Variants in FBLN1 observed in about 807,000 individuals in gnomAD.
The protein encoded by FBLN1 is fibulin 1, also known as fibulin-1.
In FBLN1, 34 loss-of-function variants were observed where a neutral mutation model predicts 89.7. That is an observed-to-expected ratio of 0.38 (90% confidence interval 0.29 to 0.50). The LOEUF is 0.50. FBLN1 is among the 20% of genes least tolerant of loss of function. FBLN1 has a pLI of 0.92. For synonymous variants in FBLN1, 393 were observed against 391.3 expected (o/e 1.00, Z -0.05); for missense variants, 777 against 988.1 (o/e 0.79, Z 2.86).
chr22:45,591,511 A>T (rs1280891321), intron 16 of FBLN1, among the ~76,000 whole-genome samples: 1 of 152,142 alleles, frequency 6.6e-6, no homozygotes, highest in Non-Finnish European at 1.5e-5. Context: ...CTGCGGAAGG[A>T]GCACATTTAT....
intron 16 of FBLN1, among the ~76,000 whole-genome samples, chr22:45,594,626 A>G (rs1165943303): frequency 6.6e-6 from 1 of 151,664 alleles, no homozygotes; most frequent in Non-Finnish European, 1.5e-5. Context: ...GGATGGACAG[A>G]TGGGTTGATT....
At position 45,574,188 on chromosome 22, in the gene FBLN1, A is replaced by G. The variant is rs1240754037; in HGVS notation, c.1698-323A>G. Among the ~76,000 whole-genome samples the G allele has an allele frequency of 6.6e-5, 10 of 152,158 alleles. No individual in the cohort carries two copies. Among genetic ancestry groups the G allele is most frequent in the Non-Finnish European group, 1.5e-5 (1 of 68,032 alleles). ...CAAAACATATTTGTTGGGCAAGTGA[A>G]CCTGTGACTCTATTTTGCCATTGTA... On this transcript the variant is annotated intron_variant, in intron 14 of 16. Transcript: ENST00000327858. This position sits in a 1 kb window ranked among gnomAD's most constrained non-coding sequence, Gnocchi z 4.1.
Position 45,536,837 on chromosome 22 carries a change from C to T in FBLN1, c.922+1500C>T, listed in dbSNP as rs1364025657. ...ATGAAAAGAGAGAATCCCATGTGAA[C>T]TTAGTATGAATTTAGGAGGCCTGGG... On this transcript the variant is annotated intron_variant, in intron 8 of 16. Transcript: ENST00000327858. The surrounding 1 kb of genome is among the most constrained non-coding windows in gnomAD (Gnocchi z 5.1). Among the ~76,000 whole-genome samples, 1 of 151,988 alleles carries T rather than the reference C, an allele frequency of 6.6e-6. No homozygotes were observed. Among genetic ancestry groups the T allele is most frequent in the African/African-American group, 2.4e-5 (1 of 41,364 alleles).
chr22:45,564,347 C>A lies in FBLN1; in HGVS notation c.1698-10164C>A, dbSNP rs558606897. Among the ~76,000 whole-genome samples, 13 of 152,358 alleles carry A rather than the reference C, an allele frequency of 8.5e-5. No individual in the cohort carries two copies. The South Asian group carries it at 2.3e-3, about 27-fold the overall frequency. Reference sequence around the variant, plus strand: ...CTCTGCCTAAAACCGTTCCTGGCTTCCTTACCATTTGGGTTAAGGCCTCCA... The same window carrying A: ...CTCTGCCTAAAACCGTTCCTGGCTTACTTACCATTTGGGTTAAGGCCTCCA... On this transcript the variant is annotated intron_variant, in intron 14 of 16. Transcript: ENST00000327858.
intron 14 of FBLN1, among the ~76,000 whole-genome samples, chr22:45,555,976 A>G (rs1014508115): frequency 4.9e-4 from 74 of 152,322 alleles, no homozygotes; most frequent in Middle Eastern, 3.4e-3. Context: ...GTATACATGC[A>G]CAAACATTTT....
At chr22:45,540,406 G>A (rs893781532) in intron 8 of FBLN1, among the ~76,000 whole-genome samples, 1 of 152,202 alleles carries the variant, frequency 6.6e-6, no homozygotes, top group Admixed American at 6.5e-5. Flanking sequence ...TCATTTGACT[G>A]AGGAGGGTGG....
chr22:45,565,365 G>A, intron 14 of FBLN1: 4 of 1,087,480 alleles, frequency 3.7e-6, no homozygotes, highest in Non-Finnish European at 4.7e-6. Flanking sequence ...CCATGTGCTT[G>A]TACCCTGGCC....
chr22:45,558,453 C>G (rs1184844110), intron 14 of FBLN1: 1 of 169,264 alleles, frequency 5.9e-6, no homozygotes, highest in Non-Finnish European at 1.3e-5. Flanking sequence ...CTAGAGACCG[C>G]CACTGTGATT....
At chr22:45,547,439 A>AGGCT (rs2146990122) in intron 12 of FBLN1, among the ~76,000 whole-genome samples, 1 of 119,020 alleles carries the variant, frequency 8.4e-6, no homozygotes, top group South Asian at 2.8e-4. Flanking sequence ...TCTGTTGCCC[A>AGGCT]GGCTGGAGTG....
chr22:45,582,084 CTG>C (rs1389079543), intron 16 of FBLN1, among the ~76,000 whole-genome samples: 1 of 152,164 alleles, frequency 6.6e-6, no homozygotes, highest in African/African-American at 2.4e-5. Context: ...GGTAAGAAGA[CTG>C]AGGCCGGAAG....
rs1402025769 is a variant in FBLN1 at position 45,600,870 on chromosome 22, C to G, written c.*424C>G. 3 of 297,222 alleles carry G rather than the reference C, an allele frequency of 1.0e-5. No homozygotes were observed. The highest frequency in any genetic ancestry group is 1.9e-5 in the Non-Finnish European group (3 of 155,888). The allele number at this position is 297,222 out of a possible 1,614,324, so 18.4% of individuals were successfully genotyped here. A position where few individuals can be genotyped will look rare whatever the true frequency, so the allele number is the denominator to read the frequency against. On this transcript the variant is annotated 3_prime_UTR_variant, in exon 17 of 17. Coordinates refer to ENST00000327858, the MANE Select transcript of FBLN1 (RefSeq NM_006486.3). Reference sequence around the variant, plus strand: ...TTTGGCCAATCAGATTTTCTATGTTCTAAGGACATGGCTGCTGTAGAATAG... The same window carrying G: ...TTTGGCCAATCAGATTTTCTATGTTGTAAGGACATGGCTGCTGTAGAATAG...
intron 16 of FBLN1, among the ~76,000 whole-genome samples, chr22:45,594,858 A>G (rs1190566070): frequency 6.6e-6 from 1 of 151,348 alleles, no homozygotes; most frequent in African/African-American, 2.4e-5. Context: ...GGGTGGGTGG[A>G]TGGATGGATG....
In FBLN1 at chr22:45,580,552, C is replaced by T. The variant is rs924429470; in HGVS notation, c.1972+3444C>T. Among the ~76,000 whole-genome samples the T allele has an allele frequency of 2.0e-5, 3 of 152,198 alleles. No individual in the cohort carries two copies. The highest frequency in any genetic ancestry group is 4.4e-5 in the Non-Finnish European group (3 of 68,040). On this transcript the variant is annotated intron_variant, in intron 16 of 16. Transcript: ENST00000327858. This position sits in a 1 kb window ranked among gnomAD's most constrained non-coding sequence, Gnocchi z 8.6. ...CTGTGACACGGTGGGATTATCTCCT[C>T]TAACAAAGGAGAGAGCGAGAGCCAG...
In FBLN1 at chr22:45,590,854, A is replaced by C. The variant is rs1019408373; in HGVS notation, c.1973-9453A>C. On this transcript the variant is annotated intron_variant, in intron 16 of 16. Coordinates refer to ENST00000327858, the MANE Select transcript of FBLN1 (RefSeq NM_006486.3). This position sits in a 1 kb window ranked among gnomAD's most constrained non-coding sequence, Gnocchi z 4.1. ...TGGGTTTAAGGGAGGAGGGTAGGTC[A>C]GTGTTTGGCGTGCTTGGATTTGAAT... Among the ~76,000 whole-genome samples, 1 of 151,886 alleles carries C rather than the reference A, an allele frequency of 6.6e-6. No individual in the cohort carries two copies. The highest frequency in any genetic ancestry group is 6.6e-5 in the Admixed American group (1 of 15,250).
intron 14 of FBLN1, chr22:45,565,717 A>AATGG (rs35615209): frequency 0.56 from 88,453 of 157,298 alleles, 25,410 homozygotes; most frequent in Middle Eastern, 0.67. Flanking sequence ...TGGACAGACC[A>AATGG]ATGGATGGAT....
At chr22:45,528,159 A>C in intron 4 of FBLN1, 150 bp downstream of exon 4, 1 of 890,092 alleles carries the variant, frequency 1.1e-6, no homozygotes, top group Non-Finnish European at 1.8e-6. Flanking sequence ...GCAGGCCTTC[A>C]GGCTGGAGCC....
intron 16 of FBLN1, among the ~76,000 whole-genome samples, chr22:45,586,324 C>T (rs2089085377): frequency 6.6e-6 from 1 of 152,256 alleles, no homozygotes; most frequent in Non-Finnish European, 1.5e-5. Context: ...GCCGCCTCTG[C>T]AGGAGGAGAC....
chr22:45,522,612 T>A (rs1250860216), intron 2 of FBLN1, among the ~76,000 whole-genome samples: 2 of 152,130 alleles, frequency 1.3e-5, no homozygotes, highest in Non-Finnish European at 2.9e-5. Flanking sequence ...AACAAGGACG[T>A]GTTTGGGGTG....
At chr22:45,555,254 TATATATATATAAAATGGA>T (rs1361289261) in intron 14 of FBLN1, among the ~76,000 whole-genome samples, 21 of 36,202 alleles carry the variant, frequency 5.8e-4, no homozygotes, top group African/African-American at 1.2e-3. Context: ...TATACATATA[TATATATATATAAAATGGA>T]ATATATATAT....
Sources: gnomAD v4.1 joint callset for allele counts (sites outside exome capture counted in the v4.1 genomes callset) on GRCh38, gnomAD v4.1.1 for gene constraint, Gnocchi (gnomAD v3.1) non-coding constraint, MANE v1.5 for transcripts, NCBI Gene and HGNC (gene_info 2026-07-23, HGNC 2026-07-21) for gene names.